The following RPL5 variants were observed in gnomAD, a reference collection of about 807,000 sequenced individuals.
RPL5 encodes ribosomal protein L5, also known as large ribosomal subunit protein uL18.
Under a neutral mutation model 38.4 loss-of-function variants are expected in RPL5, and 1 was observed. The ratio of observed to expected loss-of-function variants is 0.03; its 90% CI spans 0.01 to 0.12. The LOEUF (loss-of-function observed/expected upper bound fraction) is 0.12. Ranked by LOEUF, RPL5 falls within the 10% of genes least tolerant of loss-of-function variation. The pLI is 1.00. For missense variants in RPL5, 243 were observed against 374.1 expected (o/e 0.65, Z 2.89); for synonymous variants, 109 against 121.2 (o/e 0.90, Z 0.66).
At chr1:92,841,151 GT>G (rs1378705178) in intron 7 of RPL5, among the ~76,000 whole-genome samples, 1 of 152,134 alleles carries the variant, frequency 6.6e-6, no homozygotes, top group Non-Finnish European at 1.5e-5. Context: ...TACTCCTCCT[GT>G]TGGAGATTTT....
intron 5 of RPL5, 83 bp from the exon 6 acceptor site, chr1:92,837,373 C>A: frequency 1.7e-6 from 2 of 1,173,778 alleles, no homozygotes; most frequent in Non-Finnish European, 2.6e-6. Flanking sequence ...CAAGACGGGA[C>A]TGATGGCAGC....
At chr1:92,833,240 C>T in intron 1 of RPL5, 149 bp from the exon 2 acceptor site, 1 of 691,092 alleles carries the variant, frequency 1.4e-6, no homozygotes, top group Non-Finnish European at 2.6e-6. Context: ...ATTCTTGACC[C>T]TAGTTGCTTG....
chr1:92,833,718 A>T, intron 3 of RPL5, 58 bp downstream of exon 3: 5 of 1,328,148 alleles, frequency 3.8e-6, no homozygotes, highest in Non-Finnish European at 5.4e-6. Flanking sequence ...GTGCTTGGGA[A>T]GCAAAGCACA....
At chr1:92,838,603 GC>G (rs1190215131) in intron 6 of RPL5, among the ~76,000 whole-genome samples, 7 of 152,126 alleles carry the variant, frequency 4.6e-5, no homozygotes, top group African/African-American at 1.7e-4. Context: ...ATCTACAGTG[GC>G]CTCTATCCTC....
At position 92,832,724 on chromosome 1, in the gene RPL5, C is replaced by T. The variant is rs376553033; in HGVS notation, c.3+607C>T. The stretch of plus-strand genomic sequence containing the variant: ...TGCCTCTTCCTCTAGAGTCCGTCGC[C>T]GGATGAGTTTTTAATTATTGGGGTA... On this transcript the variant is annotated intron_variant, in intron 1 of 7. Transcript: ENST00000370321. 3.7e-4 allele frequency: 157 copies of T among 418,870 alleles called. 4 individuals are homozygous for T. The South Asian group carries it at 6.3e-3, about 17-fold the overall frequency. 25.9% of individuals were successfully genotyped at this position (418,870 alleles called of 1,614,324 possible). A position where few individuals can be genotyped will look rare whatever the true frequency, so the allele number is the denominator to read the frequency against.
At chr1:92,832,238 C>T in intron 1 of RPL5, 121 bp downstream of exon 1, 1 of 1,490,132 alleles carries the variant, frequency 6.7e-7, no homozygotes, top group Non-Finnish European at 9.2e-7. Flanking sequence ...ATTGCTAGCT[C>T]TGACTTGGTC....
At chr1:92,832,335 G>T (rs1686941635) in intron 1 of RPL5, 3 of 706,458 alleles carry the variant, frequency 4.2e-6, no homozygotes, top group Non-Finnish European at 7.5e-6. Flanking sequence ...GGTTGCGTGA[G>T]CTTGGACGGC....
At chr1:92,833,716 G>A in intron 3 of RPL5, 56 bp downstream of exon 3, 1 of 1,363,874 alleles carries the variant, frequency 7.3e-7, no homozygotes, top group South Asian at 1.2e-5. Flanking sequence ...TTGTGCTTGG[G>A]AAGCAAAGCA....
chr1:92,836,048 A>G, intron 4 of RPL5, 142 bp from the exon 5 acceptor site: 1 of 729,564 alleles, frequency 1.4e-6, no homozygotes, highest in Non-Finnish European at 2.5e-6. Flanking sequence ...TTCATGAGCA[A>G]GTGGATCTGG....
chr1:92,839,745 C>T (rs12059672), intron 6 of RPL5, among the ~76,000 whole-genome samples: 3 of 152,134 alleles, frequency 2.0e-5, no homozygotes, highest in African/African-American at 4.8e-5. Context: ...AAATGAGAAG[C>T]GCAATATTTG....
At chr1:92,832,409 G>C (rs1686945780) in intron 1 of RPL5, among the ~76,000 whole-genome samples, 1 of 152,162 alleles carries the variant, frequency 6.6e-6, no homozygotes, top group Non-Finnish European at 1.5e-5. Flanking sequence ...CTAGTGTGAG[G>C]GGGCGCTGGC....
At chr1:92,833,730 GGT>G in intron 3 of RPL5, 70 bp downstream of exon 3, 5 of 1,252,620 alleles carry the variant, frequency 4.0e-6, no homozygotes, top group Non-Finnish European at 4.7e-6. Context: ...CAAAGCACAT[GGT>G]GTGTGTGTTA....
intron 6 of RPL5, chr1:92,840,332 A>T: frequency 2.0e-6 from 1 of 493,934 alleles, no homozygotes; most frequent in Non-Finnish European, 3.7e-6. Flanking sequence ...CTTGAGTAAG[A>T]TGGAGTTCTG....
chr1:92,838,960 T>A (rs1687229814), intron 6 of RPL5, among the ~76,000 whole-genome samples: 1 of 152,324 alleles, frequency 6.6e-6, no homozygotes, highest in African/African-American at 2.4e-5. Flanking sequence ...GATTGAATAA[T>A]TTTAGAGACC....
Position 92,833,195 on chromosome 1 carries a change from C to T in RPL5, c.4-194C>T, listed in dbSNP as rs1686979592. The T allele has an allele frequency of 4.6e-6, 3 of 650,646 alleles. No homozygotes were observed. In the Admixed American group the frequency reaches 7.9e-5, roughly 17 times the overall value. The allele number at this position is 650,646 out of a possible 1,614,324, so 40.3% of individuals were successfully genotyped here. ...GATTCATTTTTATTGTTTTATGAAA[C>T]TACTAGTCTGTGACATGGAAGGTAG... On this transcript the variant is annotated intron_variant, in intron 1 of 7. Coordinates refer to ENST00000370321, the MANE Select transcript of RPL5 (RefSeq NM_000969.5).
At chr1:92,840,382 T>C (rs1198089155) in intron 6 of RPL5, 169 bp from the exon 7 acceptor site, 1 of 608,188 alleles carries the variant, frequency 1.6e-6, no homozygotes, top group Non-Finnish European at 2.9e-6. Context: ...AATTGGGAAT[T>C]TGTTAGGAAA....
intron 1 of RPL5, 173 bp downstream of exon 1, chr1:92,832,290 G>A: frequency 1.9e-6 from 2 of 1,026,084 alleles, no homozygotes; most frequent in South Asian, 2.7e-5. Context: ...CTGCCGCCCG[G>A]TGCGCGAACT....
At chr1:92,837,774 C>T (rs1307343104) in intron 6 of RPL5, 141 bp downstream of exon 6, 4 of 708,306 alleles carry the variant, frequency 5.6e-6, no homozygotes, top group Non-Finnish European at 9.9e-6. Context: ...TTTTAGTAAT[C>T]TTTTAGATGC....
chr1:92,837,554 G>T lies in RPL5; in HGVS notation c.626G>T (p.Arg209Leu). 1.2e-6 allele frequency: 2 copies of T among 1,611,962 alleles called. No individual in the cohort carries two copies. The highest frequency in any genetic ancestry group is 1.7e-6 in the Non-Finnish European group (2 of 1,179,706). The stretch of plus-strand genomic sequence containing the variant: ...GGCCAGAATGTTGCAGATTACATGC[G>T]CTACTTAATGGAAGAAGATGAAGAT... ...IMGQNVADYM[R>L]YLMEEDEDAY... Residue 209 changes from arginine (R) to leucine (L), a missense_variant, in exon 6 of 8, where the codon CGC becomes CTC. Transcript: ENST00000370321.
Sources: allele counts gnomAD v4.1 joint callset (sites outside exome capture counted in the v4.1 genomes callset), GRCh38; gene constraint gnomAD v4.1.1; transcripts MANE v1.5; gene names NCBI Gene and HGNC (gene_info 2026-07-23, HGNC 2026-07-21).